Variants in SH3RF3 observed in about 807,000 individuals in gnomAD.
The protein encoded by SH3RF3 is SH3 domain containing ring finger 3, also known as E3 ubiquitin-protein ligase SH3RF3.
SH3RF3 carries 29 observed loss-of-function variants against 66.3 expected under a neutral mutation model. The ratio of observed to expected loss-of-function variants is 0.44; its 90% CI spans 0.33 to 0.60. The LOEUF is 0.60. Among genes scored for constraint, SH3RF3 ranks in the 20% least tolerant of loss-of-function variants. The pLI is 0.04. For synonymous variants in SH3RF3, 583 were observed against 532.0 expected (o/e 1.10, Z -1.32); for missense variants, 1,194 against 1,190.9 (o/e 1.00, Z -0.04).
intron 3 of SH3RF3, among the ~76,000 whole-genome samples, chr2:109,388,940 T>C (rs1675905233): frequency 6.6e-6 from 1 of 152,272 alleles, no homozygotes; most frequent in South Asian, 2.1e-4. Flanking sequence ...GGTGAGAACA[T>C]GAGGGCTGCA....
chr2:109,427,079 T>C (rs11679264), intron 5 of SH3RF3, among the ~76,000 whole-genome samples: 15,953 of 152,156 alleles, frequency 0.1, 1,494 homozygotes, highest in African/African-American at 0.25. Flanking sequence ...AGCGATTCTC[T>C]GGCCCTAGCC....
chr2:109,350,039 G>A (rs1251910863), intron 2 of SH3RF3, among the ~76,000 whole-genome samples: 1 of 152,230 alleles, frequency 6.6e-6, no homozygotes, highest in African/African-American at 2.4e-5. Flanking sequence ...AGAGGCTCAC[G>A]AGCTGCATCG....
At chr2:109,245,283 C>A (rs2105234428) in intron 1 of SH3RF3, among the ~76,000 whole-genome samples, 1 of 152,068 alleles carries the variant, frequency 6.6e-6, no homozygotes, top group East Asian at 1.9e-4. Flanking sequence ...GAGCTGTCTG[C>A]TGCCATGGTC....
intron 8 of SH3RF3, among the ~76,000 whole-genome samples, chr2:109,470,761 C>G (rs1171803544): frequency 2.0e-5 from 3 of 152,210 alleles, no homozygotes; most frequent in African/African-American, 7.2e-5. Flanking sequence ...CTCAGCCACC[C>G]CTGTTCCACA....
intron 1 of SH3RF3, among the ~76,000 whole-genome samples, chr2:109,332,092 G>A (rs1485914482): frequency 6.6e-6 from 1 of 152,188 alleles, no homozygotes; most frequent in Non-Finnish European, 1.5e-5. Flanking sequence ...TCTTTTGGGT[G>A]CTTCTGTTTA....
intron 2 of SH3RF3, among the ~76,000 whole-genome samples, chr2:109,359,775 C>T (rs1483859530): frequency 6.6e-6 from 1 of 152,044 alleles, no homozygotes; most frequent in Non-Finnish European, 1.5e-5. Context: ...TCAGCATCCT[C>T]AAGGGAAAAA....
chr2:109,340,445 A>AC (rs770843343), intron 1 of SH3RF3, among the ~76,000 whole-genome samples: 8 of 152,138 alleles, frequency 5.3e-5, no homozygotes, highest in Non-Finnish European at 1.0e-4. Flanking sequence ...GAAGGTTTAC[A>AC]CCCAAGGACC....
At chr2:109,379,660 C>A (rs1368344168) in intron 3 of SH3RF3, among the ~76,000 whole-genome samples, 1 of 152,144 alleles carries the variant, frequency 6.6e-6, no homozygotes, top group African/African-American at 2.4e-5. Flanking sequence ...AAGCTCCTGC[C>A]GCAGCGACAG....
intron 1 of SH3RF3, among the ~76,000 whole-genome samples, chr2:109,202,503 A>G (rs1455506756): frequency 6.6e-6 from 1 of 152,164 alleles, no homozygotes; most frequent in South Asian, 2.1e-4. Context: ...TGTTCCTCAC[A>G]TGTCTGGGTA....
chr2:109,352,213 T>A (rs1682853361), intron 2 of SH3RF3, among the ~76,000 whole-genome samples: 1 of 152,206 alleles, frequency 6.6e-6, no homozygotes, highest in South Asian at 2.1e-4. Flanking sequence ...GCCCTCTCCT[T>A]TCTTCCTGTC....
intron 8 of SH3RF3, among the ~76,000 whole-genome samples, chr2:109,467,498 A>G (rs977403777): frequency 4.6e-5 from 7 of 152,336 alleles, no homozygotes; most frequent in Non-Finnish European, 8.8e-5. Flanking sequence ...GAAGGACAGC[A>G]GGACTGGGGG....
At chr2:109,312,239 C>T (rs1191592828) in intron 1 of SH3RF3, among the ~76,000 whole-genome samples, 2 of 152,156 alleles carry the variant, frequency 1.3e-5, no homozygotes, top group Non-Finnish European at 2.9e-5. Flanking sequence ...GCCAGAGGGA[C>T]AAATGTACCT....
chr2:109,454,526 C>G (rs568070893), intron 8 of SH3RF3, among the ~76,000 whole-genome samples: 2 of 152,296 alleles, frequency 1.3e-5, no homozygotes, highest in East Asian at 3.9e-4. Context: ...AGAGCGCTCC[C>G]GCCGGCTGCC....
Position 109,449,485 on chromosome 2 carries a change from A to C in SH3RF3, c.2144A>C (p.Glu715Ala). 3 of 1,613,790 alleles carry C rather than the reference A, an allele frequency of 1.9e-6. No individual in the cohort carries two copies. Among genetic ancestry groups the C allele is most frequent in the South Asian group, 2.2e-5 (2 of 91,042 alleles). Residue 715 changes from glutamate to alanine, a missense_variant, in exon 8 of 10, where the codon GAA becomes GCA. By Grantham distance (107) the Glu-to-Ala change is moderately radical (BLOSUM62 -1). Transcript: ENST00000309415. Reference protein sequence around the residue: ...TGCKLDEKKSEKKEKKSGLLK... With the variant: ...TGCKLDEKKSAKKEKKSGLLK... ...TGCAAACTAGACGAGAAGAAAAGTGAAAAGGTAAGAGGCCCATCCTGGACG... is the reference window on the plus strand; with the variant it reads ...TGCAAACTAGACGAGAAGAAAAGTGCAAAGGTAAGAGGCCCATCCTGGACG...
chr2:109,145,257 G>A (rs957349865), intron 1 of SH3RF3, among the ~76,000 whole-genome samples: 13 of 152,164 alleles, frequency 8.5e-5, no homozygotes, highest in African/African-American at 3.1e-4. Context: ...ATCTGTGCCT[G>A]TGGCCCCGGT....
chr2:109,432,827 C>G (rs1286001804), intron 6 of SH3RF3, among the ~76,000 whole-genome samples, 156 bp downstream of exon 6: 1 of 152,250 alleles, frequency 6.6e-6, no homozygotes, highest in Non-Finnish European at 1.5e-5. Context: ...GTCCCCAGGC[C>G]CACATTTCAC....
intron 1 of SH3RF3, among the ~76,000 whole-genome samples, chr2:109,186,586 C>G (rs1340073748): frequency 1.3e-5 from 2 of 152,222 alleles, no homozygotes; most frequent in Admixed American, 6.5e-5. Flanking sequence ...CAAATAACCT[C>G]CTGCCCCCAG....
chr2:109,469,979 T>C (rs1160607138), intron 8 of SH3RF3, among the ~76,000 whole-genome samples: 1 of 152,198 alleles, frequency 6.6e-6, no homozygotes, highest in Non-Finnish European at 1.5e-5. Context: ...CATGAGCAGA[T>C]ACGCTTGATC....
chr2:109,382,415 T>G (rs1171198745), intron 3 of SH3RF3, among the ~76,000 whole-genome samples: 1 of 152,106 alleles, frequency 6.6e-6, no homozygotes, highest in African/African-American at 2.4e-5. Flanking sequence ...CCCAGCCCAC[T>G]GGCCACCCAC....
Sources: gnomAD v4.1 joint callset for allele counts (sites outside exome capture counted in the v4.1 genomes callset) on GRCh38, gnomAD v4.1.1 for gene constraint, MANE v1.5 for transcripts, NCBI Gene and HGNC (gene_info 2026-07-23, HGNC 2026-07-21) for gene names.